The following AGPS variants were observed in gnomAD, a reference collection of about 807,000 sequenced individuals.
AGPS encodes alkyldihydroxyacetonephosphate synthase, peroxisomal.
Under a neutral mutation model 90.7 loss-of-function variants are expected in AGPS, and 26 were observed. The observed-to-expected ratio is 0.29, with a 90% CI of 0.21 to 0.40. AGPS has a LOEUF of 0.40. AGPS is among the 10% of genes least tolerant of loss of function. The pLI is 1.00. For synonymous variants in AGPS, 294 were observed against 285.3 expected (o/e 1.03, Z -0.31); for missense variants, 540 against 816.1 (o/e 0.66, Z 4.12).
rs531906863 is a variant in AGPS, at chr2:177,531,595, G to A, written c.1856-6479G>A. On this transcript the variant is annotated intron_variant, in intron 19 of 19. Transcript: ENST00000264167. ...TTCCAAATTGATCTATCTGTTTAGTGCATTTTCTGCCAAAATTTCAGCAAG... is the reference window on the plus strand; with the variant it reads ...TTCCAAATTGATCTATCTGTTTAGTACATTTTCTGCCAAAATTTCAGCAAG... Among the ~76,000 whole-genome samples, 40 of 152,214 alleles carry A rather than the reference G, an allele frequency of 2.6e-4. 1 individual carries two copies. The South Asian group carries it at 8.3e-3, about 32-fold the overall frequency.
At chr2:177,504,194 C>T (rs1043172993) in intron 14 of AGPS, among the ~76,000 whole-genome samples, 1 of 152,096 alleles carries the variant, frequency 6.6e-6, no homozygotes, top group Admixed American at 6.6e-5. Flanking sequence ...ACCTGTGGTG[C>T]TTTTTCTCTC....
At chr2:177,413,713 T>C (rs10754987) in intron 1 of AGPS, among the ~76,000 whole-genome samples, 131,387 of 152,210 alleles carry the variant, frequency 0.86, 56,916 homozygotes, top group East Asian at 0.95. Context: ...ATTACGTAGA[T>C]CAACACCTGA....
chr2:177,473,393 G>A (rs541205536), intron 10 of AGPS, among the ~76,000 whole-genome samples: 1 of 152,212 alleles, frequency 6.6e-6, no homozygotes, highest in Admixed American at 6.5e-5. Context: ...AGCATTTGAA[G>A]CCTTCAGTTT....
chr2:177,453,358 G>A (rs1253688977), intron 8 of AGPS, among the ~76,000 whole-genome samples: 9 of 150,128 alleles, frequency 6.0e-5, no homozygotes, highest in Admixed American at 6.0e-4. Context: ...CACAACCTCC[G>A]TCTCCCAGGT....
chr2:177,499,254 C>A (rs539436875), intron 13 of AGPS, among the ~76,000 whole-genome samples: 2 of 151,576 alleles, frequency 1.3e-5, no homozygotes, highest in Non-Finnish European at 3.0e-5. Flanking sequence ...TTTTGCTTCC[C>A]GCCCAATATA....
chr2:177,394,808 T>C (rs1210834508), intron 1 of AGPS, among the ~76,000 whole-genome samples: 3 of 152,168 alleles, frequency 2.0e-5, no homozygotes, highest in Non-Finnish European at 4.4e-5. Flanking sequence ...AATGATCAAG[T>C]GTTTAGTGCA....
At chr2:177,498,714 C>T (rs1301962283) in intron 13 of AGPS, among the ~76,000 whole-genome samples, 1 of 151,596 alleles carries the variant, frequency 6.6e-6, no homozygotes, top group African/African-American at 2.4e-5. Flanking sequence ...ACCTCCTGCT[C>T]CTCCAATTGT....
intron 2 of AGPS, among the ~76,000 whole-genome samples, chr2:177,430,771 G>A (rs562495492): frequency 2.0e-4 from 30 of 152,028 alleles, no homozygotes; most frequent in Admixed American, 1.0e-3. Flanking sequence ...TGACAGCTGC[G>A]GATCACAGCT....
At chr2:177,455,539 C>G (rs1687087478) in intron 8 of AGPS, among the ~76,000 whole-genome samples, 1 of 152,136 alleles carries the variant, frequency 6.6e-6, no homozygotes, top group South Asian at 2.1e-4. Context: ...AGTGATCTTC[C>G]TGCCTCAGCC....
intron 16 of AGPS, among the ~76,000 whole-genome samples, chr2:177,512,490 T>C (rs879455945): frequency 1.3e-5 from 2 of 152,222 alleles, no homozygotes; most frequent in Non-Finnish European, 2.9e-5. Flanking sequence ...ATACTGTTTG[T>C]TCTTATTGAC....
intron 10 of AGPS, 100 bp from the exon 11 acceptor site, chr2:177,481,959 A>C (rs1162897199): frequency 8.7e-7 from 1 of 1,146,114 alleles, no homozygotes; most frequent in East Asian, 3.4e-5. Context: ...GATAAATTTA[A>C]ATGTGCATAA....
intron 1 of AGPS, among the ~76,000 whole-genome samples, chr2:177,413,000 C>T (rs112279203): frequency 1.3e-4 from 20 of 152,186 alleles, no homozygotes; most frequent in African/African-American, 4.6e-4. Context: ...TCAGCATCAG[C>T]GGCGGGTCTG....
intron 1 of AGPS, among the ~76,000 whole-genome samples, chr2:177,413,441 A>G (rs1361977722): frequency 6.6e-6 from 1 of 152,206 alleles, no homozygotes. Flanking sequence ...TAAGCTTGTG[A>G]TACAATTCCT....
chr2:177,465,419 G>T (rs1015432531), intron 9 of AGPS, among the ~76,000 whole-genome samples: 3 of 152,194 alleles, frequency 2.0e-5, no homozygotes, highest in Non-Finnish European at 4.4e-5. Flanking sequence ...CTGTCTGGCG[G>T]CACCTTTGCC....
At chr2:177,513,792 A>C in intron 16 of AGPS, 27 bp from the exon 17 acceptor site, 1 of 1,546,162 alleles carries the variant, frequency 6.5e-7, no homozygotes, top group Non-Finnish European at 8.9e-7. Context: ...TGAAAACTTA[A>C]TATTGTATTC....
chr2:177,496,634 T>G (rs1333427746), intron 12 of AGPS, among the ~76,000 whole-genome samples: 2 of 152,152 alleles, frequency 1.3e-5, no homozygotes, highest in Non-Finnish European at 2.9e-5. Context: ...TATCTAATTC[T>G]TAGCCTCTGG....
chr2:177,470,628 C>T (rs112136982), intron 10 of AGPS, among the ~76,000 whole-genome samples: 16,097 of 146,944 alleles, frequency 0.11, 1,187 homozygotes, highest in East Asian at 0.35. Flanking sequence ...CGCTTGAACC[C>T]GGGAGGCAGA....
intron 10 of AGPS, among the ~76,000 whole-genome samples, chr2:177,474,308 G>C (rs966284849): frequency 3.3e-5 from 5 of 152,068 alleles, no homozygotes; most frequent in African/African-American, 1.2e-4. Context: ...TGTATGACTA[G>C]GAAAAAATTA....
chr2:177,499,062 A>G (rs1311087178), intron 13 of AGPS, among the ~76,000 whole-genome samples: 1 of 151,854 alleles, frequency 6.6e-6, no homozygotes, highest in African/African-American at 2.4e-5. Context: ...GGTTTATAAT[A>G]CTTAGTTTAT....
Sources: gnomAD v4.1 joint callset for allele counts (sites outside exome capture counted in the v4.1 genomes callset) on GRCh38, gnomAD v4.1.1 for gene constraint, MANE v1.5 for transcripts, NCBI Gene and HGNC (gene_info 2026-07-23, HGNC 2026-07-21) for gene names.